INO80: variants seen among roughly 807,000 people sequenced by gnomAD.
INO80 encodes the protein INO80 complex ATPase subunit, also known as chromatin-remodeling ATPase INO80.
In INO80, 20 loss-of-function variants were observed where a neutral mutation model predicts 203.4. The ratio of observed to expected loss-of-function variants is 0.10; its 90% CI spans 0.07 to 0.14. The LOEUF (loss-of-function observed/expected upper bound fraction) is 0.14. INO80 is among the 10% of genes least tolerant of loss of function. The pLI, the probability that INO80 is intolerant of heterozygous loss-of-function variation, is 1.00. For missense variants in INO80, 1,419 were observed against 1,914.4 expected (o/e 0.74, Z 4.83); for synonymous variants, 726 against 685.2 (o/e 1.06, Z -0.93).
At chr15:41,019,870 A>C (rs1454112075) in intron 26 of INO80, among the ~76,000 whole-genome samples, 1 of 152,242 alleles carries the variant, frequency 6.6e-6, no homozygotes, top group East Asian at 1.9e-4. Context: ...TCTTAGAGAC[A>C]GAAGAAGACC....
At chr15:40,995,035 T>C (rs2043864054) in intron 29 of INO80, among the ~76,000 whole-genome samples, 1 of 152,140 alleles carries the variant, frequency 6.6e-6, no homozygotes, top group Non-Finnish European at 1.5e-5. Context: ...TTTGTATATT[T>C]AGCAGAGATA....
At chr15:40,985,651 T>G (rs2043721730) in intron 31 of INO80, among the ~76,000 whole-genome samples, 1 of 152,188 alleles carries the variant, frequency 6.6e-6, no homozygotes. Flanking sequence ...GACTCACGTC[T>G]GTAATCCCAG....
At chr15:41,020,846 T>G (rs2044283052) in intron 26 of INO80, 54 bp downstream of exon 26, 1 of 1,121,932 alleles carries the variant, frequency 8.9e-7, no homozygotes, top group Non-Finnish European at 1.3e-6. Context: ...AAGATAACCC[T>G]GGTTCTCCCC....
intron 14 of INO80, among the ~76,000 whole-genome samples, chr15:41,064,340 C>T (rs891363995): frequency 6.6e-6 from 1 of 152,170 alleles, no homozygotes; most frequent in African/African-American, 2.4e-5. Context: ...ACAAACAAGA[C>T]ATCTAGACAA....
chr15:41,016,320 T>C (rs2140458213), intron 26 of INO80, 105 bp from the exon 27 acceptor site: 1 of 1,123,816 alleles, frequency 8.9e-7, no homozygotes, highest in East Asian at 2.5e-5. Context: ...CCAAGATGCT[T>C]GTCATCATGA....
At chr15:41,088,856 A>G (rs1307346961) in intron 5 of INO80, among the ~76,000 whole-genome samples, 3 of 152,124 alleles carry the variant, frequency 2.0e-5, no homozygotes, top group Non-Finnish European at 4.4e-5. Flanking sequence ...ACTTTCCTAT[A>G]TGTATGTTTT....
chr15:41,016,530 A>G (rs1406365359), intron 26 of INO80, among the ~76,000 whole-genome samples: 1 of 152,234 alleles, frequency 6.6e-6, no homozygotes, highest in Admixed American at 6.5e-5. Context: ...ATGGACATCT[A>G]TGGGTGACAT....
intron 19 of INO80, among the ~76,000 whole-genome samples, chr15:41,053,130 G>C (rs1307392911): frequency 6.6e-6 from 1 of 151,896 alleles, no homozygotes; most frequent in Non-Finnish European, 1.5e-5. Context: ...TTTTGAGACA[G>C]ACATTCGCTT....
intron 18 of INO80, 110 bp downstream of exon 18, chr15:41,055,137 A>G (rs2140543804): frequency 1.7e-6 from 1 of 575,206 alleles, no homozygotes; most frequent in East Asian, 2.9e-5. Context: ...TTCCCCGCTG[A>G]TTTGTCTATG....
chr15:41,107,016 G>A (rs1401485145), intron 1 of INO80, among the ~76,000 whole-genome samples: 3 of 152,112 alleles, frequency 2.0e-5, no homozygotes, highest in Non-Finnish European at 2.9e-5. Context: ...AAAGTATAAC[G>A]CTTATGTACA....
chr15:41,053,296 G>A (rs140838486), intron 19 of INO80, among the ~76,000 whole-genome samples: 1,769 of 152,102 alleles, frequency 0.012, 11 homozygotes, highest in Middle Eastern at 0.024. Context: ...TAGTAGAGAC[G>A]GGGTTTCACT....
At position 41,047,392 on chromosome 15, in the gene INO80, T is replaced by A; in HGVS notation, c.2735+16A>T. On this transcript the variant is annotated intron_variant, in intron 23 of 35. Transcript: ENST00000648947. ...TCCTAACTGGCCTCTTATCAAGCAA[T>A]AAGCAAACCTCTCACCTGGCCAAAA... is the stretch of plus-strand genomic sequence containing the variant. 2 of 1,579,378 alleles carry A rather than the reference T, an allele frequency of 1.3e-6. No individual in the cohort carries two copies. Among genetic ancestry groups the A allele is most frequent in the Non-Finnish European group, 1.7e-6 (2 of 1,149,780 alleles).
chr15:41,085,249 C>A (rs1435401761), intron 7 of INO80, 120 bp downstream of exon 7: 4 of 849,022 alleles, frequency 4.7e-6, no homozygotes, highest in Non-Finnish European at 7.6e-6. Context: ...TTGATTCCAA[C>A]AGATTAGTTT....
At chr15:41,049,905 A>G in intron 20 of INO80, 30 bp downstream of exon 20, 4 of 1,575,648 alleles carry the variant, frequency 2.5e-6, no homozygotes, top group Non-Finnish European at 2.6e-6. Context: ...CAAAAAACAA[A>G]ACTTCAAGGG....
chr15:40,992,790 G>C (rs1275812497), intron 29 of INO80, among the ~76,000 whole-genome samples: 2 of 152,072 alleles, frequency 1.3e-5, no homozygotes, highest in African/African-American at 4.8e-5. Flanking sequence ...AGAGTATTCA[G>C]AGCCTTTCTC....
intron 29 of INO80, among the ~76,000 whole-genome samples, chr15:40,994,278 C>T (rs75277301): frequency 0.019 from 2,931 of 152,206 alleles, 83 homozygotes; most frequent in African/African-American, 0.067. Flanking sequence ...GATGCCTTAC[C>T]AATCCATATA....
At chr15:41,018,539 T>C (rs1312859756) in intron 26 of INO80, 1 of 152,282 alleles carries the variant, frequency 6.6e-6, no homozygotes, top group Admixed American at 6.5e-5. Flanking sequence ...GACTTCTTTG[T>C]ACTGCCCTGA....
chr15:41,024,604 G>A (rs1418782262), intron 25 of INO80: 1 of 152,210 alleles, frequency 6.6e-6, no homozygotes, highest in Non-Finnish European at 1.5e-5. Flanking sequence ...CTAGCTGAAG[G>A]AAGCGTAACC....
At chr15:41,070,205 T>C (rs1357262938) in intron 13 of INO80, among the ~76,000 whole-genome samples, 3 of 152,350 alleles carry the variant, frequency 2.0e-5, no homozygotes, top group Middle Eastern at 3.4e-3. Context: ...TCTAACTATA[T>C]GGCCCTTGCC....
Sources: gnomAD v4.1 joint callset for allele counts (sites outside exome capture counted in the v4.1 genomes callset) on GRCh38, gnomAD v4.1.1 for gene constraint, MANE v1.5 for transcripts, NCBI Gene and HGNC (gene_info 2026-07-23, HGNC 2026-07-21) for gene names.